PLPP3: variants seen among roughly 807,000 people sequenced by gnomAD.
PLPP3 encodes phospholipid phosphatase 3.
Under a neutral mutation model 29.6 loss-of-function variants are expected in PLPP3, and 6 were observed. That is an observed-to-expected ratio of 0.20 (90% CI 0.11 to 0.40). PLPP3 has a LOEUF of 0.40. Among genes scored for constraint, PLPP3 ranks in the 10% least tolerant of loss-of-function variants. The probability of loss-of-function intolerance (pLI) is 1.00; values close to 1 mark genes in which losing one functional copy is unlikely to be tolerated. For synonymous variants in PLPP3, 152 were observed against 159.7 expected, an observed-to-expected ratio of 0.95 and a Z score of 0.36; for missense variants, 308 against 407.7, an observed-to-expected ratio of 0.76 and a Z score of 2.11.
At position 56,572,204 on chromosome 1, in the gene PLPP3, G is replaced by C. The variant is rs567112968; in HGVS notation, c.139+6674C>G. Among the ~76,000 whole-genome samples, 4 of 151,542 alleles carry C rather than the reference G, an allele frequency of 2.6e-5. 1 individual carries two copies. The highest frequency in any genetic ancestry group is 2.6e-4 in the Admixed American group (4 of 15,212). The stretch of plus-strand genomic sequence containing the variant: ...AGCTGGGATTACAGGCACACACCAC[G>C]ATGCCCGGCTAATTTTTGTATTTTT... On this transcript the variant is annotated intron_variant, in intron 1 of 5. Transcript: ENST00000371250.
chr1:56,578,961 C>A lies in PLPP3; in HGVS notation c.56G>T (p.Ser19Ile). The A allele has an allele frequency of 6.2e-7, 1 of 1,602,940 alleles. No homozygotes were observed. The highest frequency in any genetic ancestry group is 1.1e-5 in the South Asian group (1 of 90,390). ...AIVPESKNGG[S>I]PALNNNPRRS... ...CCTCGGGTTGTTGTTGAGCGCCGGG[C>A]TGCCGCCGTTCTTGCTCTCCGGGAC... is the stretch of plus-strand genomic sequence containing the variant. The change falls in exon 1 of 6, where the codon AGC becomes ATC. Residue 19 changes from serine (S) to isoleucine (I), a missense_variant. Around this residue, in one of 3 missense-constraint regions of PLPP3, gnomAD observed 67 missense variants for 61.3 expected, o/e 1.09. Transcript: ENST00000371250.
intron 4 of PLPP3, among the ~76,000 whole-genome samples, chr1:56,516,444 C>T (rs550745365): frequency 3.3e-5 from 5 of 152,332 alleles, no homozygotes; most frequent in African/African-American, 1.2e-4. Context: ...GACCAAAACA[C>T]ACTTTCCCAG....
intron 1 of PLPP3, among the ~76,000 whole-genome samples, chr1:56,550,210 G>A (rs1002938499): frequency 2.6e-5 from 4 of 152,258 alleles, no homozygotes; most frequent in East Asian, 1.9e-4. Context: ...CTCCTGCAGC[G>A]CTGCCCCTTC....
chr1:56,538,125 C>T (rs1645940455), intron 1 of PLPP3, among the ~76,000 whole-genome samples: 2 of 152,144 alleles, frequency 1.3e-5, no homozygotes, highest in African/African-American at 4.8e-5. Context: ...AAAGCCTCTT[C>T]AATGGCTCCC....
At chr1:56,571,488 G>C (rs1305124014) in intron 1 of PLPP3, among the ~76,000 whole-genome samples, 1 of 152,042 alleles carries the variant, frequency 6.6e-6, no homozygotes, top group East Asian at 1.9e-4. Flanking sequence ...GCTCAAAAAG[G>C]CCTATTTTTC....
At chr1:56,560,994 T>C (rs982793334) in intron 1 of PLPP3, among the ~76,000 whole-genome samples, 6 of 149,310 alleles carry the variant, frequency 4.0e-5, no homozygotes, top group Admixed American at 2.0e-4. Context: ...CCTGCCACCA[T>C]GCCCGGGTAA....
chr1:56,558,867 T>G (rs1240861817), intron 1 of PLPP3, among the ~76,000 whole-genome samples: 1 of 152,212 alleles, frequency 6.6e-6, no homozygotes, highest in African/African-American at 2.4e-5. Flanking sequence ...TCTTCATCTT[T>G]CCTCCTATTT....
At chr1:56,567,428 C>A (rs11805547) in intron 1 of PLPP3, among the ~76,000 whole-genome samples, 1 of 118,002 alleles carries the variant, frequency 8.5e-6, no homozygotes. Context: ...GATGGAGTCT[C>A]GCTCTGTCAC....
At chr1:56,557,844 C>A (rs1394027685) in intron 1 of PLPP3, among the ~76,000 whole-genome samples, 1 of 152,168 alleles carries the variant, frequency 6.6e-6, no homozygotes, top group African/African-American at 2.4e-5. Context: ...TCTCATAGTC[C>A]TTCTTCTCTG....
intron 1 of PLPP3, among the ~76,000 whole-genome samples, chr1:56,573,910 G>A (rs923756675): frequency 1.3e-5 from 2 of 152,078 alleles, no homozygotes; most frequent in African/African-American, 4.8e-5. Context: ...AGGGTTAAAA[G>A]CAGAAAAGGG....
intron 2 of PLPP3, among the ~76,000 whole-genome samples, chr1:56,525,368 C>T (rs11206835): frequency 6.6e-6 from 1 of 152,082 alleles, no homozygotes; most frequent in Admixed American, 6.5e-5. Flanking sequence ...CTGAGCCTGA[C>T]GATCCTTCTC....
At chr1:56,514,779 T>C (rs1410561365) in intron 4 of PLPP3, among the ~76,000 whole-genome samples, 1 of 152,178 alleles carries the variant, frequency 6.6e-6, no homozygotes, top group Non-Finnish European at 1.5e-5. Context: ...TGCAAAGCAC[T>C]GAGTACCACA....
intron 1 of PLPP3, among the ~76,000 whole-genome samples, chr1:56,557,264 G>A (rs1244270437): frequency 6.6e-6 from 1 of 151,430 alleles, no homozygotes; most frequent in Non-Finnish European, 1.5e-5. Context: ...TGTAACCCCA[G>A]CTACTCGGGA....
intron 2 of PLPP3, among the ~76,000 whole-genome samples, chr1:56,528,199 G>A (rs1383028796): frequency 6.6e-6 from 1 of 152,118 alleles, no homozygotes; most frequent in African/African-American, 2.4e-5. Flanking sequence ...ACAGAATCTG[G>A]AAACTAATAA....
In PLPP3 at chr1:56,579,131, G is replaced by C; in HGVS notation, c.-115C>G. On this transcript the variant is annotated 5_prime_UTR_variant, in exon 1 of 6. Transcript: ENST00000371250. The stretch of plus-strand genomic sequence containing the variant: ...AGGCTGCTGCGGATAGTGGCGGGTC[G>C]GCCCCGGCTCCGGGCGCGGCGGCTA... 7.1e-7 allele frequency: 1 copy of C among 1,413,908 alleles called. No homozygotes were observed. The highest frequency in any genetic ancestry group is 9.3e-7 in the Non-Finnish European group (1 of 1,074,016). 87.6% of individuals were successfully genotyped at this position (1,413,908 alleles called of 1,614,324 possible).
intron 1 of PLPP3, among the ~76,000 whole-genome samples, chr1:56,556,938 GAGAGAGAGAC>G: frequency 1.5e-5 from 2 of 129,268 alleles, no homozygotes; most frequent in African/African-American, 2.9e-5. Context: ...GAGAGAGAGA[GAGAGAGAGAC>G]AGAGAGAAAG....
At chr1:56,534,707 T>G (rs1032962398) in intron 2 of PLPP3, among the ~76,000 whole-genome samples, 2 of 152,162 alleles carry the variant, frequency 1.3e-5, no homozygotes, top group African/African-American at 2.4e-5. Context: ...TTTCCAGAAC[T>G]GAGAATGCAA....
intron 4 of PLPP3, among the ~76,000 whole-genome samples, chr1:56,516,429 T>C (rs1645780900): frequency 6.6e-6 from 1 of 152,186 alleles, no homozygotes; most frequent in Non-Finnish European, 1.5e-5. Flanking sequence ...CATCCCCCTA[T>C]TCTAGACCAA....
intron 1 of PLPP3, among the ~76,000 whole-genome samples, chr1:56,563,620 C>G (rs183090182): frequency 2.0e-5 from 3 of 152,310 alleles, no homozygotes; most frequent in African/African-American, 7.2e-5. Context: ...CAGCTCAAAG[C>G]AGATTCTAGC....
Sources: allele counts gnomAD v4.1 joint callset (sites outside exome capture counted in the v4.1 genomes callset), GRCh38; gene constraint gnomAD v4.1.1; regional missense constraint gnomAD v4.1.1; transcripts MANE v1.5; gene names NCBI Gene and HGNC (gene_info 2026-07-23, HGNC 2026-07-21).